Variants in NODAL observed in about 807,000 individuals in gnomAD.
NODAL encodes nodal homolog.
A neutral mutation model predicts 34.0 loss-of-function variants in NODAL; 12 were observed. The observed-to-expected ratio is 0.35, with a 90% confidence interval of 0.23 to 0.57. The LOEUF (loss-of-function observed/expected upper bound fraction) is 0.57. Among genes scored for constraint, NODAL ranks in the 20% least tolerant of loss-of-function variants. The pLI, the probability that NODAL is intolerant of heterozygous loss-of-function variation, is 0.83. For synonymous variants in NODAL, 162 were observed against 186.4 expected, an observed-to-expected ratio of 0.87 and a Z score of 1.07; for missense variants, 390 against 444.2, an observed-to-expected ratio of 0.88 and a Z score of 1.10.
chr10:70,438,774 G>C (rs573986101), intron 1 of NODAL, among the ~76,000 whole-genome samples: 1 of 152,334 alleles, frequency 6.6e-6, no homozygotes, highest in South Asian at 2.1e-4. Flanking sequence ...GGGTGCCCTG[G>C]AACAGGGCTG....
At chr10:70,445,010 G>T (rs186033658), upstream of NODAL, among the ~76,000 whole-genome samples, 42 of 152,208 alleles carry the variant, frequency 2.8e-4, no homozygotes, top group East Asian at 7.3e-3. Flanking sequence ...CAGGACTCAG[G>T]TTCCAAGGAT....
intron 1 of NODAL, among the ~76,000 whole-genome samples, chr10:70,447,079 T>TC (rs1564670700): frequency 1.3e-5 from 2 of 149,582 alleles, no homozygotes; most frequent in Non-Finnish European, 3.0e-5. Context: ...CTTCTTCTTT[T>TC]TTTTTTTTTT....
chr10:70,441,420 G>A, intron 1 of NODAL, 55 bp downstream of exon 1: 1 of 1,525,524 alleles, frequency 6.6e-7, no homozygotes, highest in East Asian at 2.5e-5. Flanking sequence ...CTGGCTGGAC[G>A]CGGCGGAGGC....
In NODAL at chr10:70,432,523, C is replaced by G; in HGVS notation, c.*413G>C. On this transcript the variant is annotated 3_prime_UTR_variant, in exon 3 of 3. Transcript: ENST00000287139. ...AGGGGGACAGGTCACACACAGACTA[C>G]TTTGGAGAATACATGAAAGCTATAG... 3.1e-6 allele frequency: 1 copy of G among 320,342 alleles called. No individual in the cohort carries two copies. The highest frequency in any genetic ancestry group is 6.1e-6 in the Non-Finnish European group (1 of 163,712). The allele number at this position is 320,342 out of a possible 1,614,324, so 19.8% of individuals were successfully genotyped here. A position where few individuals can be genotyped will look rare whatever the true frequency, so the allele number is the denominator to read the frequency against.
At chr10:70,441,782 C>G (rs915768932), upstream of NODAL, 2 of 1,131,674 alleles carry the variant, frequency 1.8e-6, no homozygotes, top group African/African-American at 1.5e-5. Flanking sequence ...ATATAACCCC[C>G]CTCCGGAGGG....
chr10:70,446,454 G>A (rs1344510583), upstream of NODAL, among the ~76,000 whole-genome samples: 1 of 152,058 alleles, frequency 6.6e-6, no homozygotes, highest in Non-Finnish European at 1.5e-5. Flanking sequence ...GCTGTAAAAT[G>A]GAGACAAATC....
rs1845433566 is a variant in NODAL at position 70,441,650 on chromosome 10, C to T, written c.18G>A (p.Leu6=). Residue 6 remains leucine (L), a synonymous_variant, in exon 1 of 3, where the codon CTG becomes CTA. Coordinates refer to ENST00000287139, the MANE Select transcript of NODAL (RefSeq NM_018055.5). MHAHC[L]PFLLHAWWAL... is the part of the protein sequence containing the mutation. ...CCCACCAGGCGTGCAGAAGGAAGGG[C>T]AGGCAGTGGGCGTGCATGGTGGGCT... The T allele has an allele frequency of 6.5e-7, 1 of 1,550,034 alleles. No homozygotes were observed. Among genetic ancestry groups the T allele is most frequent in the African/African-American group, 1.4e-5 (1 of 73,122 alleles).
chr10:70,432,592 C>T lies in NODAL; in HGVS notation c.*344G>A, dbSNP rs962346613. 4.3e-5 allele frequency: 16 copies of T among 367,854 alleles called. No individual in the cohort carries two copies. The highest frequency in any genetic ancestry group is 7.3e-5 in the Non-Finnish European group (14 of 190,620). The allele number at this position is 367,854 out of a possible 1,614,324, so 22.8% of individuals were successfully genotyped here. ...CAAAATACATGCACATATGTCTCAA[C>T]TTTCACATACAGTTTCGGGGGGTTC... On this transcript the variant is annotated 3_prime_UTR_variant, in exon 3 of 3. Coordinates refer to ENST00000287139, the MANE Select transcript of NODAL (RefSeq NM_018055.5).
At chr10:70,435,182 A>T in intron 2 of NODAL, 104 bp downstream of exon 2, 1 of 1,018,412 alleles carries the variant, frequency 9.8e-7, no homozygotes, top group Non-Finnish European at 1.5e-6. Context: ...GAGGTGCTTG[A>T]GTAACTGTGA....
At chr10:70,437,692 A>T (rs1389129067) in intron 1 of NODAL, among the ~76,000 whole-genome samples, 1 of 152,210 alleles carries the variant, frequency 6.6e-6, no homozygotes, top group African/African-American at 2.4e-5. Context: ...TGGCTGCATA[A>T]CAGTTTATTC....
chr10:70,432,911 A>C lies in NODAL; in HGVS notation c.*25T>G, dbSNP rs765147574. The C allele has an allele frequency of 1.2e-6, 2 of 1,613,764 alleles. No homozygotes were observed. The highest frequency in any genetic ancestry group is 2.2e-5 in the South Asian group (2 of 91,070). ...TTCCCAGCCTTCCAGAGTGCAGGCA[A>C]ATCCAGTCTCCCTCCAGGATGTCAT... On this transcript the variant is annotated 3_prime_UTR_variant, in exon 3 of 3. Transcript: ENST00000287139.
chr10:70,443,848 A>T (rs1030112831), upstream of NODAL, among the ~76,000 whole-genome samples: 1 of 150,768 alleles, frequency 6.6e-6, no homozygotes, highest in African/African-American at 2.4e-5. Flanking sequence ...TCAAAAAAAT[A>T]AAAAAAAAAT....
Position 70,432,038 on chromosome 10 carries a change from C to T in NODAL, c.*898G>A, listed in dbSNP as rs574082926. On this transcript the variant is annotated 3_prime_UTR_variant, in exon 3 of 3. Coordinates refer to ENST00000287139, the MANE Select transcript of NODAL (RefSeq NM_018055.5). ...AGTGGAGACTGGACAGTGAATTGCT[C>T]ACCTGAGGTCGCACAGCTTCCAGTG... is the stretch of plus-strand genomic sequence containing the variant. 7.2e-5 allele frequency among the ~76,000 whole-genome samples: 11 copies of T among 152,364 alleles called. No individual in the cohort carries two copies. In the South Asian group the frequency reaches 1.9e-3, roughly 26 times the overall value.
rs1417622898 is a variant in NODAL, at chr10:70,435,534, C to T, written c.643G>A (p.Glu215Lys). The T allele has an allele frequency of 6.2e-7, 1 of 1,614,120 alleles. No individual in the cohort carries two copies. Among genetic ancestry groups the T allele is most frequent in the Admixed American group, 1.7e-5 (1 of 60,030 alleles). The change falls in exon 2 of 3, where the codon GAA becomes AAA. Residue 215 changes from glutamate (E) to lysine (K), a missense_variant. Glu to Lys is a moderately conservative substitution (Grantham distance 56). Coordinates refer to ENST00000287139, the MANE Select transcript of NODAL (RefSeq NM_018055.5). ...RQLGGSTLLW[E>K]AESSWRAQEG... Reference sequence around the variant, plus strand: ...TGGGCCCGCCAGGAGCTCTCGGCTTCCCACAGCAAGGTGGACCCACCCAGC... The same window carrying T: ...TGGGCCCGCCAGGAGCTCTCGGCTTTCCACAGCAAGGTGGACCCACCCAGC...
chr10:70,433,040 C>T lies in NODAL; in HGVS notation c.940G>A (p.Ala314Thr), dbSNP rs1465760855. Residue 314 changes from alanine (A) to threonine (T), a missense_variant, in exon 3 of 3, where the codon GCC becomes ACC. Physicochemically the swap from Ala to Thr is moderately conservative, Grantham distance 58. Coordinates refer to ENST00000287139, the MANE Select transcript of NODAL (RefSeq NM_018055.5). The stretch of plus-strand genomic sequence containing the variant: ...CTCAGCGGCTTGGTCTTCACTGGGG[C>T]ACAACAAGTGGAAGGGACTCGGTGG... ...QPHRVPSTCC[A>T]PVKTKPLSML... The T allele has an allele frequency of 1.2e-6, 2 of 1,613,846 alleles. No individual in the cohort carries two copies. Among genetic ancestry groups the T allele is most frequent in the Admixed American group, 1.7e-5 (1 of 59,974 alleles).
intron 2 of NODAL, chr10:70,434,708 A>C: frequency 6.4e-6 from 1 of 155,802 alleles, no homozygotes; most frequent in Admixed American, 6.2e-5. Context: ...CTCAACCAAA[A>C]TACTGTGGCT....
intron 1 of NODAL, among the ~76,000 whole-genome samples, chr10:70,439,243 TC>T (rs1845395878): frequency 6.6e-6 from 1 of 152,050 alleles, no homozygotes. Flanking sequence ...GACCTCATGA[TC>T]CGACCACCTC....
intron 1 of NODAL, among the ~76,000 whole-genome samples, chr10:70,440,574 G>C (rs1328972200): frequency 2.0e-5 from 3 of 152,150 alleles, no homozygotes; most frequent in African/African-American, 7.2e-5. Context: ...GGGAGGCGTG[G>C]GCGGCCGCGG....
intron 1 of NODAL, among the ~76,000 whole-genome samples, chr10:70,440,554 C>A (rs571663587): frequency 6.6e-5 from 10 of 152,102 alleles, no homozygotes; most frequent in African/African-American, 1.9e-4. Flanking sequence ...GTCTGGCCCC[C>A]GCAGGCGGAG....
Sources: allele counts gnomAD v4.1 joint callset (sites outside exome capture counted in the v4.1 genomes callset), GRCh38; gene constraint gnomAD v4.1.1; transcripts MANE v1.5; gene names NCBI Gene and HGNC (gene_info 2026-07-23, HGNC 2026-07-21).